SLC7A14: variants seen among roughly 807,000 people sequenced by gnomAD.
SLC7A14 encodes gamma-aminobutyric acid transporter SLC7A14.
A neutral mutation model predicts 60.2 loss-of-function variants in SLC7A14; 37 were observed. That is an observed-to-expected ratio of 0.61 (90% confidence interval 0.47 to 0.81). The LOEUF (loss-of-function observed/expected upper bound fraction) is 0.81, where lower values mean the gene tolerates loss of function less well. SLC7A14 is among the 30% of genes least tolerant of loss of function. The probability of loss-of-function intolerance (pLI) is 0.00; values close to 1 mark genes in which losing one functional copy is unlikely to be tolerated. For missense variants in SLC7A14, 886 were observed against 982.7 expected (o/e 0.90, Z 1.32); for synonymous variants, 399 against 395.8 (o/e 1.01, Z -0.10).
chr3:170,505,482 G>A lies in SLC7A14; in HGVS notation c.305-4137C>T, dbSNP rs551895000. 7.2e-5 allele frequency among the ~76,000 whole-genome samples: 11 copies of A among 152,276 alleles called. No homozygotes were observed. The South Asian group carries it at 1.7e-3, about 23-fold the overall frequency. On this transcript the variant is annotated intron_variant, in intron 2 of 7. Transcript: ENST00000231706. ...TATTTTTTAAAAAATCAAGTGCGTA[G>A]GAAGGTAACCATCTCTAGTTTTCAT...
At position 170,532,679 on chromosome 3, in the gene SLC7A14, T is replaced by G. The variant is rs372050260; in HGVS notation, c.-152-5591A>C. Among the ~76,000 whole-genome samples the G allele has an allele frequency of 2.7e-4, 40 of 149,326 alleles. No homozygotes were observed. The highest frequency in any genetic ancestry group is 3.4e-3 in the Middle Eastern group (1 of 294). ...GTGGCCCCTGACCAGGTGTTTTTTT[T>G]TTTTTGTTGTTGTTGTTCCCTGCTA... On this transcript the variant is annotated intron_variant, in intron 1 of 7. Transcript: ENST00000231706. This position sits in a 1 kb window ranked among gnomAD's most constrained non-coding sequence, Gnocchi z 4.0.
rs143722002 is a variant in SLC7A14, at chr3:170,480,574, G to A, written c.1708C>T (p.Leu570Phe). ...ATGHTVTICVLLLFILMFIFC... is the reference protein window; with the variant it reads ...ATGHTVTICVFLLFILMFIFC... ...ATGAACATGAGGATGAAGAGCAGGA[G>A]CACGCAGATGGTCACCGTGTGCCCC... The change falls in exon 7 of 8, where the codon CTC (leucine) becomes TTC (phenylalanine). Residue 570 changes from leucine (L) to phenylalanine (F), a missense_variant. Leu to Phe is a conservative substitution (Grantham distance 22). Transcript: ENST00000231706. 1.1e-4 allele frequency: 170 copies of A among 1,614,126 alleles called. No homozygotes were observed. The highest frequency in any genetic ancestry group is 1.4e-4 in the Non-Finnish European group (161 of 1,180,056).
At chr3:170,487,568 A>C (rs1212928747) in intron 4 of SLC7A14, among the ~76,000 whole-genome samples, 1 of 152,134 alleles carries the variant, frequency 6.6e-6, no homozygotes, top group Non-Finnish European at 1.5e-5. Context: ...CAAAATTGTC[A>C]CTCTTACTTT....
chr3:170,495,825 C>T, intron 4 of SLC7A14: 1 of 1,126,638 alleles, frequency 8.9e-7, no homozygotes, highest in South Asian at 1.2e-5. Context: ...CCTGCAGCAG[C>T]AGAAGATGGC....
At position 170,546,229 on chromosome 3, in the gene SLC7A14, A is replaced by T. The variant is rs932315442; in HGVS notation, c.-152-19141T>A. ...CAGAATCTAATGTTACCTGGTGGAG[A>T]GGAGCACACCAGGATTTCCAGTGAC... On this transcript the variant is annotated intron_variant, in intron 1 of 7. Transcript: ENST00000231706. Among the ~76,000 whole-genome samples, 23 of 152,320 alleles carry T rather than the reference A, an allele frequency of 1.5e-4. 3 individuals carry two copies. Among genetic ancestry groups the T allele is most frequent in the Admixed American group, 9.8e-4 (15 of 15,302 alleles).
chr3:170,485,789 C>T (rs1051316470), intron 5 of SLC7A14, among the ~76,000 whole-genome samples: 36 of 152,170 alleles, frequency 2.4e-4, no homozygotes, highest in Admixed American at 1.3e-3. Flanking sequence ...TCTCTCTCCC[C>T]GCTGTGCAGG....
intron 4 of SLC7A14, among the ~76,000 whole-genome samples, chr3:170,490,051 T>C (rs1168479083): frequency 6.6e-6 from 1 of 152,150 alleles, no homozygotes; most frequent in Non-Finnish European, 1.5e-5. Context: ...AGGGTGACTA[T>C]AGTCAGTAAT....
At chr3:170,552,544 G>A (rs570267776) in intron 1 of SLC7A14, among the ~76,000 whole-genome samples, 7 of 152,246 alleles carry the variant, frequency 4.6e-5, no homozygotes, top group Middle Eastern at 3.4e-3. Context: ...ATTTGAAAGC[G>A]AATTCTTCCT....
Position 170,508,438 on chromosome 3 carries a change from G to A in SLC7A14, c.305-7093C>T, listed in dbSNP as rs116381944. On this transcript the variant is annotated intron_variant, in intron 2 of 7. Coordinates refer to ENST00000231706, the MANE Select transcript of SLC7A14 (RefSeq NM_020949.3). ...TATCAGGCCCTATTAGGTATTTTGC[G>A]CATACTGTGTCTTATACTTCACACT... Among the ~76,000 whole-genome samples the A allele has an allele frequency of 4.4e-3, 674 of 152,290 alleles. 10 individuals are homozygous for A. The highest frequency in any genetic ancestry group is 0.015 in the African/African-American group (634 of 41,558).
intron 1 of SLC7A14, among the ~76,000 whole-genome samples, chr3:170,584,121 T>G (rs750862994): frequency 1.3e-5 from 2 of 152,202 alleles, no homozygotes; most frequent in Non-Finnish European, 1.5e-5. Flanking sequence ...AATGAAATAT[T>G]ATTACCCAGC....
chr3:170,568,526 G>A (rs1714857382), intron 1 of SLC7A14, among the ~76,000 whole-genome samples: 1 of 152,202 alleles, frequency 6.6e-6, no homozygotes, highest in Non-Finnish European at 1.5e-5. Context: ...CTTTAAAGTA[G>A]TTTTTTCCAG....
At chr3:170,495,997 C>G in intron 4 of SLC7A14, 1 of 1,158,902 alleles carries the variant, frequency 8.6e-7, no homozygotes, top group African/African-American at 1.5e-5. Context: ...CGTACAGAAA[C>G]GGAGAATGAA....
intron 1 of SLC7A14, among the ~76,000 whole-genome samples, chr3:170,573,403 T>C (rs1019641149): frequency 6.6e-6 from 1 of 152,216 alleles, no homozygotes. Context: ...TAAACAACTT[T>C]CTCAGAAGCA....
chr3:170,577,237 G>A (rs959071698), intron 1 of SLC7A14, among the ~76,000 whole-genome samples: 6 of 152,222 alleles, frequency 3.9e-5, no homozygotes, highest in Non-Finnish European at 8.8e-5. Flanking sequence ...GCTGGCCCAA[G>A]TGTCACAGGT....
At chr3:170,483,678 AG>A (rs945494859) in intron 5 of SLC7A14, among the ~76,000 whole-genome samples, 156 bp from the exon 6 acceptor site, 1 of 152,238 alleles carries the variant, frequency 6.6e-6, no homozygotes, top group African/African-American at 2.4e-5. Context: ...ACTGTAGACC[AG>A]TCATCTGGCC....
intron 1 of SLC7A14, chr3:170,570,024 A>G (rs1276903899): frequency 6.6e-6 from 1 of 152,194 alleles, no homozygotes; most frequent in Non-Finnish European, 1.5e-5. Context: ...TGGCCCCTGC[A>G]TACAAGCTGA....
Position 170,526,860 on chromosome 3 carries a change from A to G in SLC7A14, c.77T>C (p.Ile26Thr), listed in dbSNP as rs752803472. The G allele has an allele frequency of 2.5e-6, 4 of 1,614,082 alleles. No individual in the cohort carries two copies. In the South Asian group the frequency reaches 3.3e-5, roughly 13 times the overall value. The change falls in exon 2 of 8, where the codon ATC becomes ACC. Residue 26 changes from isoleucine (I) to threonine (T), a missense_variant. Coordinates refer to ENST00000231706, the MANE Select transcript of SLC7A14 (RefSeq NM_020949.3). ...GAAWYAMHSR[I>T]LRTKPVESML... is the part of the protein sequence containing the mutation. ...GGACTCCACTGGTTTGGTGCGTAGG[A>G]TCCTGGAGTGCATTGCATACCAGGC...
At chr3:170,467,932 T>C (rs1416937054) in intron 7 of SLC7A14, among the ~76,000 whole-genome samples, 1 of 152,220 alleles carries the variant, frequency 6.6e-6, no homozygotes, top group African/African-American at 2.4e-5. Flanking sequence ...GTGATTTACC[T>C]TGACATTTTA....
Position 170,472,215 on chromosome 3 carries a change from AAAT to A in SLC7A14, c.1994-4841_1994-4839del, listed in dbSNP as rs571458152. On this transcript the variant is annotated intron_variant, in intron 7 of 7. Coordinates refer to ENST00000231706, the MANE Select transcript of SLC7A14 (RefSeq NM_020949.3). The stretch of plus-strand genomic sequence containing the variant: ...GAAACCCCGTCTACTAAAAAAAAAA[AAAT>A]AATTAGCTGGGCACGGTGGCGGGCA... 3.2e-3 allele frequency among the ~76,000 whole-genome samples: 489 copies of A among 151,874 alleles called. 4 individuals carry two copies. The highest frequency in any genetic ancestry group is 0.011 in the African/African-American group (472 of 41,418).
Sources: allele counts gnomAD v4.1 joint callset (sites outside exome capture counted in the v4.1 genomes callset), GRCh38; gene constraint gnomAD v4.1.1; non-coding constraint Gnocchi (gnomAD v3.1); transcripts MANE v1.5; gene names NCBI Gene and HGNC (gene_info 2026-07-23, HGNC 2026-07-21).